The following TASP1 variants were observed in gnomAD, a reference collection of about 807,000 sequenced individuals.
TASP1 encodes the protein taspase 1.
TASP1 carries 16 observed loss-of-function variants against 56.6 expected under a neutral mutation model. The observed-to-expected ratio is 0.28, with a 90% CI of 0.19 to 0.43. TASP1 has a LOEUF of 0.43. Ranked by LOEUF, TASP1 falls within the 20% of genes least tolerant of loss-of-function variation. TASP1 has a pLI of 1.00. For synonymous variants in TASP1, 179 were observed against 184.2 expected, an observed-to-expected ratio of 0.97 and a Z score of 0.23; for missense variants, 393 against 511.6, an observed-to-expected ratio of 0.77 and a Z score of 2.24.
At chr20:13,539,710 A>G (rs963809612) in intron 8 of TASP1, among the ~76,000 whole-genome samples, 1 of 152,242 alleles carries the variant, frequency 6.6e-6, no homozygotes, top group Non-Finnish European at 1.5e-5. Context: ...AATTAAATTC[A>G]TACCATAAAA....
chr20:13,403,548 T>C (rs150512070), intron 13 of TASP1, among the ~76,000 whole-genome samples: 1 of 152,290 alleles, frequency 6.6e-6, no homozygotes, highest in East Asian at 1.9e-4. Context: ...TATCAAAGCA[T>C]CAATAGATGA....
chr20:13,286,902 G>C, the TASP1 span, among the ~76,000 whole-genome samples: 1 of 152,228 alleles, frequency 6.6e-6, no homozygotes, highest in Non-Finnish European at 1.5e-5. Flanking sequence ...TTAGCTCCAC[G>C]CTTGGCAGCA....
intron 11 of TASP1, among the ~76,000 whole-genome samples, chr20:13,476,804 T>G (rs1450381321): frequency 3.9e-5 from 6 of 152,258 alleles, no homozygotes; most frequent in South Asian, 4.1e-4. Context: ...TTTGGACATG[T>G]GAGTATAACC....
chr20:13,119,807 C>T, the TASP1 span, among the ~76,000 whole-genome samples: 5,436 of 152,240 alleles, frequency 0.036, 316 homozygotes, highest in African/African-American at 0.12. Context: ...GGGCTGTTTC[C>T]AAGACCTGGG....
rs113913531 is a variant in TASP1 at position 13,580,848 on chromosome 20, A to G, written c.488+49T>C. On this transcript the variant is annotated intron_variant, in intron 6 of 13. Coordinates refer to ENST00000337743, the MANE Select transcript of TASP1 (RefSeq NM_017714.3). The stretch of plus-strand genomic sequence containing the variant: ...AACCAACAGCATCAGCCTTCTGTGG[A>G]TAAAAATGCACTAAAGACAGGGAAA... 13,204 of 1,590,410 alleles carry G rather than the reference A, an allele frequency of 8.3e-3. 84 individuals are homozygous for G. The highest frequency in any genetic ancestry group is 0.022 in the Middle Eastern group (132 of 6,004).
chr20:13,555,073 T>C (rs546418277), intron 8 of TASP1, among the ~76,000 whole-genome samples: 1 of 152,288 alleles, frequency 6.6e-6, no homozygotes, highest in Non-Finnish European at 1.5e-5. Context: ...GTTGCTTTAT[T>C]AATAAGCTCA....
At chr20:13,587,126 A>C in intron 5 of TASP1, 124 bp downstream of exon 5, 1 of 1,269,240 alleles carries the variant, frequency 7.9e-7, no homozygotes, top group South Asian at 1.8e-5. Flanking sequence ...CAATAAAAAA[A>C]GAACATTTGT....
At chr20:13,213,140 TCTGAA>T in the TASP1 span, among the ~76,000 whole-genome samples, 2 of 152,126 alleles carry the variant, frequency 1.3e-5, no homozygotes, top group East Asian at 1.9e-4. Flanking sequence ...TCAGATATAA[TCTGAA>T]CTGAAGTTGT....
Position 13,419,612 on chromosome 20 carries a change from G to T in TASP1, c.1097-2091C>A, listed in dbSNP as rs544088533. ...ACTGCATTGCTCAACACTAAACCCT[G>T]TCCCCCAGGCCATCCATCTGTTTAT... On this transcript the variant is annotated intron_variant, in intron 12 of 13. Transcript: ENST00000337743. Among the ~76,000 whole-genome samples the T allele has an allele frequency of 8.5e-5, 13 of 152,234 alleles. No homozygotes were observed. The South Asian group carries it at 2.7e-3, about 32-fold the overall frequency.
chr20:13,439,931 G>A (rs932562163), intron 11 of TASP1, among the ~76,000 whole-genome samples: 7 of 151,984 alleles, frequency 4.6e-5, no homozygotes, highest in Non-Finnish European at 1.0e-4. Flanking sequence ...AAACTGAAAA[G>A]GTCCATCAAC....
chr20:13,493,548 T>C (rs369463169), intron 10 of TASP1, among the ~76,000 whole-genome samples: 53 of 152,268 alleles, frequency 3.5e-4, no homozygotes, highest in Non-Finnish European at 6.0e-4. Flanking sequence ...ACTTACACCA[T>C]TGGTTTGCTG....
chr20:13,181,474 A>T, the TASP1 span, among the ~76,000 whole-genome samples: 1 of 152,140 alleles, frequency 6.6e-6, no homozygotes, highest in African/African-American at 2.4e-5. Context: ...ACCCACAAAC[A>T]TCTAATCTTG....
Position 13,629,974 on chromosome 20 carries a change from G to A in TASP1, c.105C>T (p.Ser35=), listed in dbSNP as rs1287341620. 4 of 1,613,780 alleles carry A rather than the reference G, an allele frequency of 2.5e-6. No homozygotes were observed. The highest frequency in any genetic ancestry group is 1.3e-5 in the African/African-American group (1 of 74,918). ...ITAKELETKQ[S]YKEKRGGFVL... is the part of the protein sequence containing the mutation. ...CAAAGCCTCCTCGTTTCTCTTTATAGGACTGCTTTGTTTCCAACTCTTTGG... is the reference window on the plus strand; with the variant it reads ...CAAAGCCTCCTCGTTTCTCTTTATAAGACTGCTTTGTTTCCAACTCTTTGG... Residue 35 remains serine, a synonymous_variant, in exon 2 of 14, where the codon TCC becomes TCT. Transcript: ENST00000337743.
rs1265456061 is a variant in TASP1 at position 13,436,349 on chromosome 20, T to A, written c.986-1195A>T. On this transcript the variant is annotated intron_variant, in intron 11 of 13. Transcript: ENST00000337743. ...GTTTTTAGTTTTTAAAGGGTTGTTT[T>A]AAAAAAAAAAAAAGGAGGAGGAGGA... Among the ~76,000 whole-genome samples, 868 of 141,850 alleles carry A rather than the reference T, an allele frequency of 6.1e-3. 5 individuals carry two copies. The highest frequency in any genetic ancestry group is 0.01 in the Admixed American group (146 of 14,190). The allele number at this position is 141,850 out of a possible 152,430, so 93.1% of individuals were successfully genotyped here.
chr20:13,467,649 T>C (rs2044315841), intron 11 of TASP1, among the ~76,000 whole-genome samples: 1 of 152,118 alleles, frequency 6.6e-6, no homozygotes, highest in Non-Finnish European at 1.5e-5. Context: ...ACATTGTACA[T>C]ATTTTACAAG....
chr20:13,548,879 T>G (rs2045891715), intron 8 of TASP1, among the ~76,000 whole-genome samples: 1 of 152,142 alleles, frequency 6.6e-6, no homozygotes, highest in African/African-American at 2.4e-5. Context: ...TATGATTCGG[T>G]ATGTTTAAAG....
chr20:13,587,780 A>C (rs1243909399), intron 4 of TASP1, among the ~76,000 whole-genome samples: 4 of 151,932 alleles, frequency 2.6e-5, no homozygotes, highest in Non-Finnish European at 4.4e-5. Flanking sequence ...CCCTTTCATG[A>C]GAAAAACAGA....
the TASP1 span, among the ~76,000 whole-genome samples, chr20:13,143,895 A>G: frequency 4.6e-5 from 7 of 152,268 alleles, no homozygotes; most frequent in South Asian, 4.1e-4. Flanking sequence ...CATTTCAGAC[A>G]TTTGCTGCCA....
At chr20:13,149,840 G>T in the TASP1 span, among the ~76,000 whole-genome samples, 1 of 152,188 alleles carries the variant, frequency 6.6e-6, no homozygotes, top group Non-Finnish European at 1.5e-5. Flanking sequence ...AAGTAGCTAG[G>T]CAGCCAATGA....
Sources: allele counts gnomAD v4.1 joint callset (sites outside exome capture counted in the v4.1 genomes callset), GRCh38; gene constraint gnomAD v4.1.1; transcripts MANE v1.5; gene names NCBI Gene and HGNC (gene_info 2026-07-23, HGNC 2026-07-21).